The following ZSWIM4 variants were observed in gnomAD, a reference collection of about 807,000 sequenced individuals.
ZSWIM4 encodes the protein zinc finger SWIM domain-containing protein 4.
ZSWIM4 carries 62 observed loss-of-function variants against 102.5 expected under a neutral mutation model. The ratio of observed to expected loss-of-function variants is 0.60; its 90% CI spans 0.49 to 0.75. ZSWIM4 has a LOEUF of 0.75. Among genes scored for constraint, ZSWIM4 ranks in the 30% least tolerant of loss-of-function variants. The pLI, the probability that ZSWIM4 is intolerant of heterozygous loss-of-function variation, is 0.00. For missense variants in ZSWIM4, 1,280 were observed against 1,529.6 expected (o/e 0.84, Z 2.72); for synonymous variants, 652 against 674.5 (o/e 0.97, Z 0.52).
intron 2 of ZSWIM4, among the ~76,000 whole-genome samples, chr19:13,801,631 A>G (rs906561714): frequency 6.6e-6 from 1 of 152,034 alleles, no homozygotes; most frequent in Non-Finnish European, 1.5e-5. Flanking sequence ...ACCTAAGGCA[A>G]CAGGGCTGAG....
chr19:13,820,098 C>G (rs1975422692), intron 10 of ZSWIM4, among the ~76,000 whole-genome samples: 1 of 152,010 alleles, frequency 6.6e-6, no homozygotes, highest in Admixed American at 6.6e-5. Flanking sequence ...CAGGATTTCG[C>G]CATGTTGCCC....
rs1975724430 is a variant in ZSWIM4 at position 13,830,342 on chromosome 19, C to T, written c.2613C>T (p.Cys871=). The change falls in exon 14 of 14, where the codon TGC becomes TGT. Residue 871 remains cysteine (C), a synonymous_variant. Transcript: ENST00000590508. The part of the protein sequence containing the change: ...DTSRREELWA[C]ARTLALQCAM... ...CGCGGAGGGAGGAGCTCTGGGCCTG[C>T]GCCCGCACCCTGGCCTTGCAGTGCG... 8 of 1,613,256 alleles carry T rather than the reference C, an allele frequency of 5.0e-6. No homozygotes were observed. The highest frequency in any genetic ancestry group is 3.3e-4 in the Middle Eastern group (2 of 6,062).
At chr19:13,807,902 G>A (rs1974962697) in intron 3 of ZSWIM4, among the ~76,000 whole-genome samples, 1 of 152,116 alleles carries the variant, frequency 6.6e-6, no homozygotes, top group African/African-American at 2.4e-5. Context: ...ACCTGAAACA[G>A]GTTAATTTAA....
chr19:13,830,639 C>T lies in ZSWIM4; in HGVS notation c.2910C>T (p.Leu970=), dbSNP rs1399766012. 17 of 1,601,186 alleles carry T rather than the reference C, an allele frequency of 1.1e-5. No individual in the cohort carries two copies. The highest frequency in any genetic ancestry group is 1.4e-5 in the Non-Finnish European group (17 of 1,179,778). ...ACGACGTGCTTTGGGCCTGCTCTCTCAGCCACTCCCTGGGCCGGCACGAGC... is the reference window on the plus strand; with the variant it reads ...ACGACGTGCTTTGGGCCTGCTCTCTTAGCCACTCCCTGGGCCGGCACGAGC... ...AVNDVLWACS[L]SHSLGRHELS... Residue 970 remains leucine, a synonymous_variant, in exon 14 of 14, where the codon CTC becomes CTT. Coordinates refer to ENST00000590508, the MANE Select transcript of ZSWIM4 (RefSeq NM_001367834.3).
At chr19:13,800,043 G>C in intron 2 of ZSWIM4, 122 bp downstream of exon 2, 1 of 815,124 alleles carries the variant, frequency 1.2e-6, no homozygotes, top group Non-Finnish European at 1.9e-6. Flanking sequence ...CAGGCTTCGA[G>C]GCCCAGATAG....
chr19:13,810,038 G>C (rs1408938596), intron 5 of ZSWIM4, among the ~76,000 whole-genome samples: 2 of 150,822 alleles, frequency 1.3e-5, no homozygotes, highest in Admixed American at 6.6e-5. Flanking sequence ...CCAGGCTGGA[G>C]TGCTGGAGTG....
At chr19:13,822,331 C>T (rs2145361166) in intron 10 of ZSWIM4, among the ~76,000 whole-genome samples, 1 of 152,156 alleles carries the variant, frequency 6.6e-6, no homozygotes, top group Admixed American at 6.6e-5. Flanking sequence ...CCTAATTTGG[C>T]CAACCACCTG....
intron 3 of ZSWIM4, 116 bp downstream of exon 3, chr19:13,805,264 G>A: frequency 1.1e-6 from 1 of 918,994 alleles, no homozygotes; most frequent in Non-Finnish European, 1.7e-6. Flanking sequence ...GCGGGGGGCG[G>A]AAAACGCGCC....
At position 13,830,760 on chromosome 19, in the gene ZSWIM4, G is replaced by A. The variant is rs1311080681; in HGVS notation, c.3031G>A (p.Gly1011Ser). ...CTGGACTCTCTCGGCGCCCGGTCTG[G>A]GCCCCTTAGGGGCACGCCGGGCCGC... ...RRWTLSAPGL[G>S]PLGARRAAKP... Residue 1011 changes from glycine to serine, a missense_variant, in exon 14 of 14, where the codon GGC becomes AGC. Coordinates refer to ENST00000590508, the MANE Select transcript of ZSWIM4 (RefSeq NM_001367834.3). The A allele has an allele frequency of 6.2e-7, 1 of 1,606,820 alleles. No homozygotes were observed. Among genetic ancestry groups the A allele is most frequent in the Admixed American group, 1.7e-5 (1 of 59,252 alleles).
At chr19:13,804,701 G>GT in intron 2 of ZSWIM4, 91 bp from the exon 3 acceptor site, 7 of 1,057,000 alleles carry the variant, frequency 6.6e-6, no homozygotes, top group Non-Finnish European at 9.6e-6. Context: ...GAAGTGACTC[G>GT]GCTGGGCTTT....
At chr19:13,817,471 C>A (rs556843757) in intron 8 of ZSWIM4, 118 bp downstream of exon 8, 3 of 1,354,808 alleles carry the variant, frequency 2.2e-6, no homozygotes, top group Non-Finnish European at 3.0e-6. Context: ...CACGCCCCTA[C>A]CCTTGGCTAC....
intron 3 of ZSWIM4, among the ~76,000 whole-genome samples, chr19:13,806,669 CAA>C (rs1029351446): frequency 4.1e-5 from 5 of 123,164 alleles, no homozygotes; most frequent in Non-Finnish European, 7.1e-5. Context: ...ACTCAAAAAA[CAA>C]AAAAAAAAAA....
chr19:13,821,023 C>T (rs1296755591), intron 10 of ZSWIM4, among the ~76,000 whole-genome samples: 4 of 152,088 alleles, frequency 2.6e-5, no homozygotes, highest in Non-Finnish European at 5.9e-5. Flanking sequence ...GTGGCTCATG[C>T]CTGTAATCCC....
chr19:13,800,001 C>T lies in ZSWIM4; in HGVS notation c.355+80C>T, dbSNP rs952220764. ...TGGAAATGGGGGAGTTGGAGGGAGG[C>T]CTGGGGCCAGGGGATGGGAGGTTAC... On this transcript the variant is annotated intron_variant, in intron 2 of 13. Transcript: ENST00000590508. 6.2e-6 allele frequency: 9 copies of T among 1,450,018 alleles called. No individual in the cohort carries two copies. The African/African-American group carries it at 1.3e-4, about 20-fold the overall frequency. The allele number at this position is 1,450,018 out of a possible 1,614,324, so 89.8% of individuals were successfully genotyped here. A position where few individuals can be genotyped will look rare whatever the true frequency, so the allele number is the denominator to read the frequency against.
intron 1 of ZSWIM4, among the ~76,000 whole-genome samples, chr19:13,796,293 G>A (rs1974610955): frequency 6.7e-6 from 1 of 150,006 alleles, no homozygotes; most frequent in Non-Finnish European, 1.5e-5. Context: ...TCCTCTCTTC[G>A]GCCCCCCGCT....
chr19:13,811,103 T>C (rs151141986), intron 5 of ZSWIM4, among the ~76,000 whole-genome samples: 2,927 of 147,456 alleles, frequency 0.02, 99 homozygotes, highest in African/African-American at 0.07. Context: ...TTAGTAGAGA[T>C]GGGGTTTCAC....
chr19:13,809,817 G>A lies in ZSWIM4; in HGVS notation c.1012+597G>A, dbSNP rs8111077. ...TTCTTTTTTTCTTTTTTTAGAGACA[G>A]GATCTCACTGTGCGCCCAGGCTGAA... is the stretch of plus-strand genomic sequence containing the variant. On this transcript the variant is annotated intron_variant, in intron 5 of 13. Transcript: ENST00000590508. This position sits in a 1 kb window ranked among gnomAD's most constrained non-coding sequence, Gnocchi z 4.2. Among the ~76,000 whole-genome samples, 1,182 of 151,940 alleles carry A rather than the reference G, an allele frequency of 7.8e-3. 14 individuals carry two copies. Among genetic ancestry groups the A allele is most frequent in the African/African-American group, 0.027 (1,112 of 41,418 alleles).
intron 6 of ZSWIM4, 55 bp from the exon 7 acceptor site, chr19:13,814,460 C>T: frequency 9.7e-7 from 1 of 1,028,544 alleles, no homozygotes; most frequent in Non-Finnish European, 1.2e-6. Flanking sequence ...CTGGACACGG[C>T]TCAACTGCTA....
In ZSWIM4 at chr19:13,808,516, A is replaced by T. The variant is rs368811758; in HGVS notation, c.713-320A>T. ...TTTGGGAGGCCAAGGCGGGTGGATC[A>T]CCTGAGGTCAGGAGTTTGAGACCAG... On this transcript the variant is annotated intron_variant, in intron 3 of 13. Coordinates refer to ENST00000590508, the MANE Select transcript of ZSWIM4 (RefSeq NM_001367834.3). 1.4e-4 allele frequency among the ~76,000 whole-genome samples: 21 copies of T among 152,020 alleles called. 1 individual carries two copies. The highest frequency in any genetic ancestry group is 5.1e-4 in the African/African-American group (21 of 41,468).
Sources: allele counts gnomAD v4.1 joint callset (sites outside exome capture counted in the v4.1 genomes callset), GRCh38; gene constraint gnomAD v4.1.1; non-coding constraint Gnocchi (gnomAD v3.1); transcripts MANE v1.5; gene names NCBI Gene and HGNC (gene_info 2026-07-23, HGNC 2026-07-21).